Variants in ATP8A1 observed in about 807,000 individuals in gnomAD.
The protein encoded by ATP8A1 is ATPase phospholipid transporting 8A1, also known as phospholipid-transporting ATPase IA.
In ATP8A1, 90 loss-of-function variants were observed where a neutral mutation model predicts 177.7. The ratio of observed to expected loss-of-function variants is 0.51; its 90% confidence interval spans 0.43 to 0.60. The LOEUF (loss-of-function observed/expected upper bound fraction) is 0.60, where lower values mean the gene tolerates loss of function less well. Ranked by LOEUF, ATP8A1 falls within the 20% of genes least tolerant of loss-of-function variation. The pLI, the probability that ATP8A1 is intolerant of heterozygous loss-of-function variation, is 0.00. For synonymous variants in ATP8A1, 493 were observed against 485.9 expected, an observed-to-expected ratio of 1.01 and a Z score of -0.19; for missense variants, 1,072 against 1,392.8, an observed-to-expected ratio of 0.77 and a Z score of 3.67.
chr4:42,586,378 A>G lies in ATP8A1; in HGVS notation c.693T>C (p.Phe231=), dbSNP rs1365070166. The G allele has an allele frequency of 1.2e-6, 2 of 1,614,090 alleles. No homozygotes were observed. The highest frequency in any genetic ancestry group is 1.7e-6 in the Non-Finnish European group (2 of 1,179,984). The change falls in exon 9 of 37, where the codon TTT becomes TTC. Residue 231 remains phenylalanine (F), a synonymous_variant. Transcript: ENST00000381668. The stretch of plus-strand genomic sequence containing the variant: ...GTCCATCAAGCCTTATGTTTCCAAC[A>G]AAATCGTAGAGATGTCTGTTTGGAC... ...CESPNRHLYD[F]VGNIRLDGHG... is the part of the protein sequence containing the mutation.
chr4:42,478,236 G>A (rs1458066213), intron 25 of ATP8A1, among the ~76,000 whole-genome samples: 2 of 151,858 alleles, frequency 1.3e-5, no homozygotes, highest in African/African-American at 2.4e-5. Context: ...CGCATCTGTG[G>A]TCCCAGCTAC....
intron 27 of ATP8A1, among the ~76,000 whole-genome samples, chr4:42,461,139 A>G (rs907975940): frequency 2.6e-5 from 4 of 152,188 alleles, no homozygotes; most frequent in African/African-American, 9.7e-5. Flanking sequence ...CTTAGGATGA[A>G]GGATGTAAAA....
intron 24 of ATP8A1, among the ~76,000 whole-genome samples, chr4:42,501,635 C>G (rs1444453573): frequency 6.6e-6 from 1 of 152,214 alleles, no homozygotes; most frequent in Non-Finnish European, 1.5e-5. Context: ...TGGATGCGTT[C>G]CATTTCCATA....
intron 5 of ATP8A1, among the ~76,000 whole-genome samples, chr4:42,615,475 A>G (rs995362859): frequency 1.2e-4 from 18 of 151,996 alleles, no homozygotes; most frequent in African/African-American, 3.4e-4. Context: ...TTAGAGCATG[A>G]TGGCGAATTT....
chr4:42,575,847 C>T (rs1437871504), intron 12 of ATP8A1, 148 bp from the exon 13 acceptor site: 4 of 656,890 alleles, frequency 6.1e-6, no homozygotes, highest in Non-Finnish European at 1.0e-5. Context: ...TATTCCTATA[C>T]CATTTAATTC....
intron 25 of ATP8A1, 103 bp downstream of exon 25, chr4:42,485,393 C>T: frequency 2.7e-6 from 3 of 1,122,128 alleles, no homozygotes; most frequent in Non-Finnish European, 3.7e-6. Flanking sequence ...AGTAAGTAAC[C>T]TAACTTTTGT....
At chr4:42,484,313 GTAA>G (rs1373990297) in intron 25 of ATP8A1, among the ~76,000 whole-genome samples, 1 of 152,140 alleles carries the variant, frequency 6.6e-6, no homozygotes, top group Non-Finnish European at 1.5e-5. Flanking sequence ...GAACTTTATA[GTAA>G]TATTATTTGT....
At chr4:42,517,469 T>C (rs1167838154) in intron 22 of ATP8A1, among the ~76,000 whole-genome samples, 1 of 152,132 alleles carries the variant, frequency 6.6e-6, no homozygotes, top group Non-Finnish European at 1.5e-5. Context: ...TTCTCTCAAG[T>C]GGTGACAAAA....
At chr4:42,473,945 T>G in intron 25 of ATP8A1, among the ~76,000 whole-genome samples, 1 of 151,958 alleles carries the variant, frequency 6.6e-6, no homozygotes, top group East Asian at 1.9e-4. Flanking sequence ...TGAGCCATCA[T>G]GCACAGCCCA....
At chr4:42,459,437 C>T in intron 27 of ATP8A1, 2 of 243,540 alleles carry the variant, frequency 8.2e-6, no homozygotes, top group Non-Finnish European at 1.7e-5. Flanking sequence ...TTTTTATAAG[C>T]AGATTTATTG....
At chr4:42,430,154 GA>G (rs921432271) in intron 33 of ATP8A1, among the ~76,000 whole-genome samples, 90 of 147,154 alleles carry the variant, frequency 6.1e-4, no homozygotes, top group Admixed American at 1.8e-3. Context: ...AAATGAAAAA[GA>G]AAAAAAAAAG....
chr4:42,555,190 CTAT>C (rs1416492396), intron 16 of ATP8A1, among the ~76,000 whole-genome samples: 1 of 128,082 alleles, frequency 7.8e-6, no homozygotes, highest in Non-Finnish European at 1.7e-5. Context: ...ATCTATCTAT[CTAT>C]CTATCCTATT....
At position 42,634,948 on chromosome 4, in the gene ATP8A1, T is replaced by C. The variant is rs116181103; in HGVS notation, c.50-7839A>G. On this transcript the variant is annotated intron_variant, in intron 1 of 36. Coordinates refer to ENST00000381668, the MANE Select transcript of ATP8A1 (RefSeq NM_006095.2). Reference sequence around the variant, plus strand: ...TGTTAGCAATGTAGCACAATACTTGTCATTCAAACAGTTCCCGTCACCCTA... The same window carrying C: ...TGTTAGCAATGTAGCACAATACTTGCCATTCAAACAGTTCCCGTCACCCTA... Among the ~76,000 whole-genome samples, 332 of 152,270 alleles carry C rather than the reference T, an allele frequency of 2.2e-3. 2 individuals are homozygous for C. The highest frequency in any genetic ancestry group is 7.3e-3 in the African/African-American group (304 of 41,558).
chr4:42,578,301 A>G lies in ATP8A1; in HGVS notation c.1087T>C (p.Leu363=), dbSNP rs568456315. The change falls in exon 12 of 37, where the codon TTA becomes CTA. Residue 363 remains leucine (L), a synonymous_variant. Transcript: ENST00000381668. ...GCCTGGGTAAATTTCACAACTTCTA[A>G]TGTAACCAATAAGCTGATAGGAATG... ...NLIPISLLVT[L]EVVKFTQAYF... 6.2e-7 allele frequency: 1 copy of G among 1,611,380 alleles called. No individual in the cohort carries two copies. The highest frequency in any genetic ancestry group is 1.1e-5 in the South Asian group (1 of 90,536).
intron 11 of ATP8A1, among the ~76,000 whole-genome samples, 187 bp from the exon 12 acceptor site, chr4:42,578,574 T>C (rs745506353): frequency 6.6e-5 from 10 of 152,184 alleles, no homozygotes; most frequent in East Asian, 1.9e-4. Context: ...GTGTTCAATA[T>C]GTTGTTAATC....
chr4:42,433,868 A>AAC (rs397976592), intron 33 of ATP8A1, among the ~76,000 whole-genome samples: 4 of 151,504 alleles, frequency 2.6e-5, no homozygotes, highest in African/African-American at 9.7e-5. Flanking sequence ...AAAAAAAAAA[A>AAC]CGATTAAAAA....
rs544462676 is a variant in ATP8A1 at position 42,577,145 on chromosome 4, T to C, written c.1128+1115A>G. Among the ~76,000 whole-genome samples the C allele has an allele frequency of 9.2e-5, 14 of 152,348 alleles. No homozygotes were observed. In the South Asian group the frequency reaches 2.5e-3, roughly 27 times the overall value. On this transcript the variant is annotated intron_variant, in intron 12 of 36. Coordinates refer to ENST00000381668, the MANE Select transcript of ATP8A1 (RefSeq NM_006095.2). ...GGGTTCATCCAATACTAAAATTATATAATTCTTTGAAAGATATTATTTTTG... is the reference window on the plus strand; with the variant it reads ...GGGTTCATCCAATACTAAAATTATACAATTCTTTGAAAGATATTATTTTTG...
chr4:42,487,786 T>C (rs1195542153), intron 24 of ATP8A1, among the ~76,000 whole-genome samples: 1 of 152,184 alleles, frequency 6.6e-6, no homozygotes, highest in African/African-American at 2.4e-5. Flanking sequence ...AGAATCCTTT[T>C]ACCAAAATAA....
chr4:42,435,007 T>A (rs1365832614), intron 33 of ATP8A1, among the ~76,000 whole-genome samples: 2 of 152,190 alleles, frequency 1.3e-5, no homozygotes, highest in Non-Finnish European at 2.9e-5. Context: ...TGCTGAAAAA[T>A]ATGCCATAAA....
Sources: allele counts gnomAD v4.1 joint callset (sites outside exome capture counted in the v4.1 genomes callset), GRCh38; gene constraint gnomAD v4.1.1; transcripts MANE v1.5; gene names NCBI Gene and HGNC (gene_info 2026-07-23, HGNC 2026-07-21).